Variants in ASAP1 observed in about 807,000 individuals in gnomAD.
ASAP1 encodes ArfGAP with SH3 domain, ankyrin repeat and PH domain 1.
ASAP1 carries 43 observed loss-of-function variants against 145.2 expected under a neutral mutation model. The observed-to-expected ratio is 0.30, with a 90% CI of 0.23 to 0.38. ASAP1 has a LOEUF of 0.38. Ranked by LOEUF, ASAP1 falls within the 10% of genes least tolerant of loss-of-function variation. ASAP1 has a pLI of 1.00. For synonymous variants in ASAP1, 546 were observed against 515.5 expected, an observed-to-expected ratio of 1.06 and a Z score of -0.80; for missense variants, 1,018 against 1,355.3, an observed-to-expected ratio of 0.75 and a Z score of 3.91.
intron 1 of ASAP1, among the ~76,000 whole-genome samples, chr8:130,405,818 T>C (rs147361577): frequency 4.6e-5 from 7 of 152,360 alleles, no homozygotes; most frequent in Non-Finnish European, 1.0e-4. Context: ...CTGAGAATGA[T>C]TTTTTATTCA....
chr8:130,153,686 G>T (rs988290398), intron 12 of ASAP1, among the ~76,000 whole-genome samples: 1 of 151,910 alleles, frequency 6.6e-6, no homozygotes, highest in African/African-American at 2.4e-5. Context: ...GCTTTGGACA[G>T]TAAAAATGGG....
At chr8:130,330,756 C>G (rs1355477760) in intron 3 of ASAP1, among the ~76,000 whole-genome samples, 2 of 152,206 alleles carry the variant, frequency 1.3e-5, no homozygotes, top group African/African-American at 4.8e-5. Context: ...AGGGTTCTAT[C>G]ATTTATCTTT....
intron 1 of ASAP1, among the ~76,000 whole-genome samples, chr8:130,414,762 T>C (rs927152582): frequency 6.7e-6 from 1 of 150,270 alleles, no homozygotes; most frequent in Non-Finnish European, 1.5e-5. Context: ...TATAACTCTT[T>C]TTTTTTTTTT....
Position 130,244,929 on chromosome 8 carries a change from A to G in ASAP1, c.187-7935T>C, listed in dbSNP as rs116982990. On this transcript the variant is annotated intron_variant, in intron 3 of 29. Transcript: ENST00000518721. ...AGGAAAGACAAGTTGAGGCAGAGAG[A>G]AGCAGAACAGAAATAGGAACTCCAA... is the stretch of plus-strand genomic sequence containing the variant. 8.9e-3 allele frequency among the ~76,000 whole-genome samples: 1,351 copies of G among 152,222 alleles called. 11 individuals carry two copies. Among genetic ancestry groups the G allele is most frequent in the Non-Finnish European group, 0.014 (928 of 68,000 alleles).
At chr8:130,342,001 T>G (rs1275493363) in intron 3 of ASAP1, among the ~76,000 whole-genome samples, 1 of 152,146 alleles carries the variant, frequency 6.6e-6, no homozygotes, top group Non-Finnish European at 1.5e-5. Flanking sequence ...TCAGCATAAG[T>G]TGCTGTAATG....
At chr8:130,311,857 T>C (rs1259419664) in intron 3 of ASAP1, among the ~76,000 whole-genome samples, 1 of 151,632 alleles carries the variant, frequency 6.6e-6, no homozygotes, top group Non-Finnish European at 1.5e-5. Context: ...TCAAGCTAGA[T>C]GGTTAAAAAT....
At chr8:130,270,096 G>T (rs1333909998) in intron 3 of ASAP1, among the ~76,000 whole-genome samples, 6 of 152,206 alleles carry the variant, frequency 3.9e-5, no homozygotes, top group Non-Finnish European at 8.8e-5. Context: ...CTTGAACTTG[G>T]GAGGCAGATG....
chr8:130,434,161 C>A (rs2138800667), intron 1 of ASAP1, among the ~76,000 whole-genome samples: 1 of 152,204 alleles, frequency 6.6e-6, no homozygotes, highest in East Asian at 1.9e-4. Context: ...ACTAAAAATA[C>A]AAAAATTAAC....
chr8:130,321,502 T>A (rs1407050991), intron 3 of ASAP1, among the ~76,000 whole-genome samples: 3 of 152,122 alleles, frequency 2.0e-5, no homozygotes, highest in Non-Finnish European at 4.4e-5. Flanking sequence ...AGGAGAGAGA[T>A]GTACTTACTA....
intron 5 of ASAP1, among the ~76,000 whole-genome samples, chr8:130,195,682 G>A (rs1476379480): frequency 6.6e-6 from 1 of 152,144 alleles, no homozygotes; most frequent in Non-Finnish European, 1.5e-5. Flanking sequence ...TCAAACAGAG[G>A]GAGGCCGAGG....
intron 9 of ASAP1, among the ~76,000 whole-genome samples, chr8:130,172,258 A>G (rs1813641095): frequency 6.6e-6 from 1 of 152,190 alleles, no homozygotes; most frequent in Non-Finnish European, 1.5e-5. Flanking sequence ...CTTTGTAGAT[A>G]TTTTTGAAAA....
intron 18 of ASAP1, among the ~76,000 whole-genome samples, chr8:130,122,209 T>TA (rs1385500514): frequency 6.6e-6 from 1 of 152,200 alleles, no homozygotes; most frequent in Non-Finnish European, 1.5e-5. Flanking sequence ...ATACAATGTG[T>TA]AATTGTATGA....
chr8:130,126,141 T>A, intron 16 of ASAP1, 52 bp from the exon 17 acceptor site: 4 of 1,546,242 alleles, frequency 2.6e-6, no homozygotes, highest in Non-Finnish European at 3.5e-6. Flanking sequence ...CTAATTTTAG[T>A]GTGCCAACTA....
intron 1 of ASAP1, among the ~76,000 whole-genome samples, chr8:130,428,541 C>T (rs1383484497): frequency 1.5e-5 from 2 of 130,168 alleles, no homozygotes; most frequent in Non-Finnish European, 3.3e-5. Flanking sequence ...ACTATCATCA[C>T]CATCATATAA....
chr8:130,289,110 C>T (rs922239380), intron 3 of ASAP1, among the ~76,000 whole-genome samples: 4 of 152,098 alleles, frequency 2.6e-5, no homozygotes, highest in Admixed American at 6.5e-5. Context: ...CACTTGAACC[C>T]GGGAGGCATA....
chr8:130,080,007 T>C (rs1293272754), intron 25 of ASAP1, 36 bp from the exon 26 acceptor site: 4 of 1,567,690 alleles, frequency 2.6e-6, no homozygotes, highest in Non-Finnish European at 3.5e-6. Flanking sequence ...GGTATGTCTT[T>C]AGATGGGGAA....
At chr8:130,191,030 A>G (rs1452672397) in intron 5 of ASAP1, among the ~76,000 whole-genome samples, 4 of 147,410 alleles carry the variant, frequency 2.7e-5, no homozygotes, top group Non-Finnish European at 5.9e-5. Flanking sequence ...TAGGAAGTGC[A>G]ATCTATAACC....
At chr8:130,334,826 T>C (rs1824932229) in intron 3 of ASAP1, among the ~76,000 whole-genome samples, 1 of 152,224 alleles carries the variant, frequency 6.6e-6, no homozygotes, top group Admixed American at 6.5e-5. Flanking sequence ...GCTCTCCATT[T>C]AATAATACAA....
intron 5 of ASAP1, among the ~76,000 whole-genome samples, chr8:130,189,618 G>A (rs1001005204): frequency 6.6e-6 from 1 of 152,186 alleles, no homozygotes; most frequent in East Asian, 1.9e-4. Flanking sequence ...ATGAACATGA[G>A]AGTACGGGTT....
Sources: gnomAD v4.1 joint callset for allele counts (sites outside exome capture counted in the v4.1 genomes callset) on GRCh38, gnomAD v4.1.1 for gene constraint, MANE v1.5 for transcripts, NCBI Gene and HGNC (gene_info 2026-07-23, HGNC 2026-07-21) for gene names.